Variants in DHCR7 observed in about 807,000 individuals in gnomAD.
DHCR7 encodes 7-dehydrocholesterol reductase, also known as 7-DHC reductase.
In DHCR7, 40 loss-of-function variants were observed where a neutral mutation model predicts 43.3. The ratio of observed to expected loss-of-function variants is 0.92; its 90% CI spans 0.72 to 1.20. The LOEUF (loss-of-function observed/expected upper bound fraction) is 1.20. DHCR7 is among the 50% of genes most tolerant of loss of function. The pLI, the probability that DHCR7 is intolerant of heterozygous loss-of-function variation, is 0.00. For missense variants in DHCR7, 608 were observed against 644.6 expected, an observed-to-expected ratio of 0.94 and a Z score of 0.62; for synonymous variants, 298 against 271.4, an observed-to-expected ratio of 1.10 and a Z score of -0.96.
chr11:71,446,249 C>T (rs1472666618), intron 2 of DHCR7, among the ~76,000 whole-genome samples: 1 of 94,008 alleles, frequency 1.1e-5, no homozygotes. Flanking sequence ...TGCATAGAAA[C>T]CTTACCAAAT....
At chr11:71,429,414 G>T (rs183368428), downstream of DHCR7, among the ~76,000 whole-genome samples, 3 of 152,298 alleles carry the variant, frequency 2.0e-5, no homozygotes, top group Admixed American at 2.0e-4. Flanking sequence ...GACTGTGGGC[G>T]GGGGCAGGAG....
chr11:71,435,668 C>T lies in DHCR7; in HGVS notation c.1135G>A (p.Glu379Lys), dbSNP rs772162793. 35 of 1,612,954 alleles carry T rather than the reference C, an allele frequency of 2.2e-5. No homozygotes were observed. Among genetic ancestry groups the T allele is most frequent in the South Asian group, 1.8e-4 (16 of 91,090 alleles). Residue 379 changes from glutamate (E) to lysine (K), a missense_variant, in exon 9 of 9, where the codon GAG becomes AAG. Coordinates refer to ENST00000355527, the MANE Select transcript of DHCR7 (RefSeq NM_001360.3). ...LIWGRKPKVIECSYTSADGQR... is the reference protein window; with the variant it reads ...LIWGRKPKVIKCSYTSADGQR... ...CCATCGGCGGATGTGTAGGAGCACT[C>T]GATGACCTTGGGCTTCCTGCCCCAG...
At chr11:71,441,463 T>C in intron 5 of DHCR7, 23 bp from the exon 6 acceptor site, 5 of 1,586,844 alleles carry the variant, frequency 3.2e-6, no homozygotes, top group Non-Finnish European at 4.3e-6. Context: ...GATTCAGAAA[T>C]GAAGGCGCTT....
downstream of DHCR7, among the ~76,000 whole-genome samples, chr11:71,432,639 A>G (rs547558756): frequency 3.3e-5 from 5 of 152,336 alleles, no homozygotes; most frequent in East Asian, 1.9e-4. Flanking sequence ...GCTGTGCCAC[A>G]GATCTCAGAA....
Position 71,437,886 on chromosome 11 carries a change from T to G in DHCR7, c.889A>C (p.Ile297Leu), listed in dbSNP as rs1085307926. ...NETWYLKTID[I>L]CHDHFGWYLG... Reference sequence around the variant, plus strand: ...TACCACCCGAAGTGGTCATGGCAGATGTCAATGGTCTTCAGGTACCAGGTT... The same window carrying G: ...TACCACCCGAAGTGGTCATGGCAGAGGTCAATGGTCTTCAGGTACCAGGTT... The change falls in exon 8 of 9, where the codon ATC (isoleucine) becomes CTC (leucine). Residue 297 changes from isoleucine to leucine, a missense_variant. Coordinates refer to ENST00000355527, the MANE Select transcript of DHCR7 (RefSeq NM_001360.3). 1.9e-6 allele frequency: 3 copies of G among 1,613,828 alleles called. No homozygotes were observed. In the Admixed American group the frequency reaches 5.0e-5, roughly 27 times the overall value.
chr11:71,444,402 A>G (rs2120355109), intron 3 of DHCR7, 187 bp from the exon 4 acceptor site: 1 of 626,314 alleles, frequency 1.6e-6, no homozygotes, highest in East Asian at 2.7e-5. Flanking sequence ...GCTCTACTGT[A>G]GTTGATTAAC....
chr11:71,431,800 CT>C (rs1949229441), downstream of DHCR7, among the ~76,000 whole-genome samples: 1 of 152,106 alleles, frequency 6.6e-6, no homozygotes, highest in Non-Finnish European at 1.5e-5. Context: ...GGTATATATC[CT>C]TTTATGTATA....
intron 2 of DHCR7, among the ~76,000 whole-genome samples, 193 bp from the exon 3 acceptor site, chr11:71,445,151 C>T (rs748166445): frequency 3.3e-5 from 5 of 152,228 alleles, no homozygotes; most frequent in Non-Finnish European, 7.3e-5. Context: ...TTGGACCCTG[C>T]AATCACCTCC....
intron 8 of DHCR7, chr11:71,436,079 C>G (rs1949277342): frequency 1.8e-6 from 1 of 547,610 alleles, no homozygotes; most frequent in East Asian, 2.9e-5. Flanking sequence ...ATATATACCC[C>G]CTATATATAT....
chr11:71,433,823 T>C (rs188583826), downstream of DHCR7, among the ~76,000 whole-genome samples: 63 of 152,354 alleles, frequency 4.1e-4, no homozygotes, highest in African/African-American at 8.7e-4. Context: ...TGAATCACTC[T>C]TGTGGTGTGT....
intron 7 of DHCR7, 77 bp downstream of exon 7, chr11:71,438,802 G>A: frequency 6.9e-7 from 1 of 1,451,824 alleles, no homozygotes. Flanking sequence ...TAAGGTCATG[G>A]GAATACGCTC....
In DHCR7 at chr11:71,434,964, C is replaced by T. The variant is rs959604134; in HGVS notation, c.*411G>A. ...ATACATGGATAACGCGCACGCCCCA[C>T]TCCCACTTTTATTTAGCAAGAGTAA... On this transcript the variant is annotated 3_prime_UTR_variant, in exon 9 of 9. Transcript: ENST00000355527. The T allele has an allele frequency of 2.3e-5, 9 of 389,180 alleles. No individual in the cohort carries two copies. The highest frequency in any genetic ancestry group is 4.6e-5 in the Non-Finnish European group (9 of 196,908). 24.1% of individuals were successfully genotyped at this position (389,180 alleles called of 1,614,324 possible).
chr11:71,443,887 T>C, intron 4 of DHCR7, 106 bp downstream of exon 4: 3 of 913,362 alleles, frequency 3.3e-6, no homozygotes, highest in Non-Finnish European at 4.9e-6. Context: ...AACCCAGATG[T>C]CAACCTGAGC....
chr11:71,437,258 T>G (rs1790327), intron 8 of DHCR7, among the ~76,000 whole-genome samples: 129,849 of 152,218 alleles, frequency 0.85, 56,411 homozygotes, highest in Non-Finnish European at 0.95. Flanking sequence ...ACCCCACCGT[T>G]CTGCTAAGCA....
chr11:71,430,526 TC>T (rs1215896905), downstream of DHCR7, among the ~76,000 whole-genome samples: 1 of 149,638 alleles, frequency 6.7e-6, no homozygotes, highest in Non-Finnish European at 1.5e-5. Flanking sequence ...AGCTCAGTTG[TC>T]CCCCTGCCTT....
chr11:71,444,080 T>C lies in DHCR7; in HGVS notation c.234A>G (p.Gly78=). ...LTGPVVDIVT[G]HARLSDIWAK... is the part of the protein sequence containing the mutation. ...CCCAGATGTCCGAGAGCCGAGCATGTCCGGTGACGATGTCCACCACAGGGC... is the reference window on the plus strand; with the variant it reads ...CCCAGATGTCCGAGAGCCGAGCATGCCCGGTGACGATGTCCACCACAGGGC... Residue 78 remains glycine, a synonymous_variant, in exon 4 of 9, where the codon GGA becomes GGG. Coordinates refer to ENST00000355527, the MANE Select transcript of DHCR7 (RefSeq NM_001360.3). The C allele has an allele frequency of 6.2e-7, 1 of 1,613,716 alleles. No individual in the cohort carries two copies.
rs1241403555 is a variant in DHCR7, at chr11:71,435,209, G to A, written c.*166C>T. 1 of 405,608 alleles carries A rather than the reference G, an allele frequency of 2.5e-6. No individual in the cohort carries two copies. The allele number at this position is 405,608 out of a possible 1,614,324, so 25.1% of individuals were successfully genotyped here. ...GAATTCCCTTGAAGGCAAAAGCAAGGAACAGAGCGTGATTAGGTACTGGAC... is the reference window on the plus strand; with the variant it reads ...GAATTCCCTTGAAGGCAAAAGCAAGAAACAGAGCGTGATTAGGTACTGGAC... On this transcript the variant is annotated 3_prime_UTR_variant, in exon 9 of 9. Coordinates refer to ENST00000355527, the MANE Select transcript of DHCR7 (RefSeq NM_001360.3).
rs145084285 is a variant in DHCR7 at position 71,435,651 on chromosome 11, G to C, written c.1152C>G (p.Ser384=). Residue 384 remains serine, a synonymous_variant, in exon 9 of 9, where the codon TCC becomes TCG. Coordinates refer to ENST00000355527, the MANE Select transcript of DHCR7 (RefSeq NM_001360.3). ...TGCTGTGGTGCCTCTGCCCATCGGCGGATGTGTAGGAGCACTCGATGACCT... is the reference window on the plus strand; with the variant it reads ...TGCTGTGGTGCCTCTGCCCATCGGCCGATGTGTAGGAGCACTCGATGACCT... The part of the protein sequence containing the change: ...KPKVIECSYT[S]ADGQRHHSKL... The C allele has an allele frequency of 6.2e-7, 1 of 1,612,870 alleles. No individual in the cohort carries two copies. Among genetic ancestry groups the C allele is most frequent in the Admixed American group, 1.7e-5 (1 of 60,036 alleles).
At position 71,438,558 on chromosome 11, in the gene DHCR7, C is replaced by A. The variant is rs1949314347; in HGVS notation, c.831+321G>T. Among the ~76,000 whole-genome samples, 3 of 152,104 alleles carry A rather than the reference C, an allele frequency of 2.0e-5. No homozygotes were observed. The South Asian group carries it at 6.2e-4, about 32-fold the overall frequency. On this transcript the variant is annotated intron_variant, in intron 7 of 8. Coordinates refer to ENST00000355527, the MANE Select transcript of DHCR7 (RefSeq NM_001360.3). ...CCCTACAGGGGGTTCCTGGAGCATGCACTCTTGCCTCCACTCTACCAGGTT... is the reference window on the plus strand; with the variant it reads ...CCCTACAGGGGGTTCCTGGAGCATGAACTCTTGCCTCCACTCTACCAGGTT...
Sources: allele counts gnomAD v4.1 joint callset (sites outside exome capture counted in the v4.1 genomes callset), GRCh38; gene constraint gnomAD v4.1.1; transcripts MANE v1.5; gene names NCBI Gene and HGNC (gene_info 2026-07-23, HGNC 2026-07-21).